CCDC3: variants seen among roughly 807,000 people sequenced by gnomAD.
CCDC3 encodes the protein coiled-coil domain-containing protein 3.
CCDC3 carries 24 observed loss-of-function variants against 21.4 expected under a neutral mutation model. That is an observed-to-expected ratio of 1.12 (90% CI 0.81 to 1.58). CCDC3 has a LOEUF of 1.58. Ranked by LOEUF, CCDC3 falls within the 40% of genes most tolerant of loss-of-function variation. The probability of loss-of-function intolerance (pLI) is 0.00; values close to 1 mark genes in which losing one functional copy is unlikely to be tolerated. For synonymous variants in CCDC3, 186 were observed against 166.0 expected (o/e 1.12, Z -0.93); for missense variants, 425 against 360.9 (o/e 1.18, Z -1.44).
chr10:13,089,689 T>G (rs1191385550), intron 3 of CCDC3, among the ~76,000 whole-genome samples: 2 of 152,092 alleles, frequency 1.3e-5, no homozygotes, highest in African/African-American at 4.8e-5. Context: ...TTTTAATTTT[T>G]TTATTTCCAA....
chr10:12,902,981 G>A (rs1834116136), intron 2 of CCDC3, among the ~76,000 whole-genome samples: 1 of 152,214 alleles, frequency 6.6e-6, no homozygotes, highest in African/African-American at 2.4e-5. Context: ...TGTGAAAAGC[G>A]TGGATGGGAT....
At chr10:12,963,960 C>G (rs555017795) in intron 2 of CCDC3, among the ~76,000 whole-genome samples, 2 of 152,256 alleles carry the variant, frequency 1.3e-5, no homozygotes, top group Admixed American at 1.3e-4. Context: ...GGAGGCGAGT[C>G]GTTATTGGTC....
Position 13,074,153 on chromosome 10 carries a change from A to ATATATTTTTTTT in CCDC3, c.-502-54_-502-53insAAAAAAAATATA, listed in dbSNP as rs1365749317. 2.2e-4 allele frequency: 14 copies of ATATATTTTTTTT among 64,290 alleles called. No individual in the cohort carries two copies. In the East Asian group the frequency reaches 5.2e-3, roughly 24 times the overall value. 4.0% of individuals were successfully genotyped at this position (64,290 alleles called of 1,614,324 possible). ...AATATATATATATATATATATATAT[A>ATATATTTTTTTT]TTTTTTTTTTTTTTTTTTTTTGAGA... On this transcript the variant is annotated intron_variant, in intron 3 of 6. Transcript: ENST00000378839.
intron 2 of CCDC3, among the ~76,000 whole-genome samples, chr10:12,948,109 G>T (rs1834945644): frequency 6.6e-6 from 1 of 152,074 alleles, no homozygotes; most frequent in Non-Finnish European, 1.5e-5. Flanking sequence ...CATGGGGTCA[G>T]GTTTTTTCCA....
intron 2 of CCDC3, among the ~76,000 whole-genome samples, chr10:12,913,207 T>G (rs1044692981): frequency 4.6e-5 from 7 of 152,240 alleles, no homozygotes; most frequent in African/African-American, 1.7e-4. Context: ...AATATTCTTC[T>G]AATCTATGAG....
At chr10:12,917,634 T>C (rs1834380744) in intron 2 of CCDC3, among the ~76,000 whole-genome samples, 1 of 152,238 alleles carries the variant, frequency 6.6e-6, no homozygotes, top group Admixed American at 6.5e-5. Context: ...TGAAGAGTCC[T>C]CTTTTGTCAT....
chr10:13,037,835 G>A (rs1836397342), intron 5 of CCDC3, among the ~76,000 whole-genome samples: 1 of 152,146 alleles, frequency 6.6e-6, no homozygotes, highest in African/African-American at 2.4e-5. Flanking sequence ...AGCATCCTTT[G>A]ATCTTGTAGG....
intron 3 of CCDC3, among the ~76,000 whole-genome samples, chr10:13,080,771 G>C (rs1837029392): frequency 6.6e-6 from 1 of 152,252 alleles, no homozygotes; most frequent in African/African-American, 2.4e-5. Flanking sequence ...CCTAGCCACG[G>C]ACAGACACTT....
chr10:13,035,627 G>A (rs1836368196), intron 5 of CCDC3, among the ~76,000 whole-genome samples: 1 of 152,146 alleles, frequency 6.6e-6, no homozygotes, highest in African/African-American at 2.4e-5. Flanking sequence ...TCATGTTAAG[G>A]GAAGAACTAT....
At chr10:12,970,680 G>A (rs1381819537) in intron 2 of CCDC3, among the ~76,000 whole-genome samples, 2 of 152,170 alleles carry the variant, frequency 1.3e-5, no homozygotes, top group Admixed American at 1.3e-4. Flanking sequence ...GAGGCCAAGA[G>A]TTCGAGACTA....
At chr10:12,901,555 A>C (rs1396506703) in intron 2 of CCDC3, among the ~76,000 whole-genome samples, 1 of 152,048 alleles carries the variant, frequency 6.6e-6, no homozygotes, top group East Asian at 1.9e-4. Flanking sequence ...GTACAGGCGT[A>C]AGTCACTGCA....
chr10:12,905,780 C>T (rs2131198141), intron 2 of CCDC3, among the ~76,000 whole-genome samples: 1 of 152,328 alleles, frequency 6.6e-6, no homozygotes, highest in African/African-American at 2.4e-5. Flanking sequence ...CTAGAGCAAG[C>T]CCCTGTGCCC....
chr10:12,959,131 CCA>C (rs1266665077), intron 2 of CCDC3, among the ~76,000 whole-genome samples: 2 of 151,978 alleles, frequency 1.3e-5, no homozygotes. Flanking sequence ...GCAATGGCCC[CCA>C]CTCCCAACTC....
Position 12,957,665 on chromosome 10 carries a change from C to T in CCDC3, c.549+40673G>A, listed in dbSNP as rs150719905. Among the ~76,000 whole-genome samples the T allele has an allele frequency of 1.7e-3, 261 of 152,188 alleles. 9 individuals are homozygous for T. In the East Asian group the frequency reaches 0.046, roughly 27 times the overall value. ...CTCTCGAGATCTGATTGTTTCTAAG[C>T]GTGCGGCACCTCCCTCCTACCTCCC... On this transcript the variant is annotated intron_variant, in intron 2 of 2. Coordinates refer to ENST00000378825, the MANE Select transcript of CCDC3 (RefSeq NM_031455.4).
At chr10:13,086,979 T>C (rs1460006867) in intron 3 of CCDC3, among the ~76,000 whole-genome samples, 1 of 152,220 alleles carries the variant, frequency 6.6e-6, no homozygotes, top group Non-Finnish European at 1.5e-5. Flanking sequence ...ACACACCTGT[T>C]GCAGCCTCAG....
intron 2 of CCDC3, among the ~76,000 whole-genome samples, chr10:12,927,446 T>A (rs1834561830): frequency 6.6e-6 from 1 of 152,216 alleles, no homozygotes; most frequent in African/African-American, 2.4e-5. Flanking sequence ...TATATTTAGT[T>A]TGTTTACATC....
chr10:12,951,998 G>T (rs974564264), intron 2 of CCDC3, among the ~76,000 whole-genome samples: 36 of 151,946 alleles, frequency 2.4e-4, no homozygotes, highest in African/African-American at 8.7e-4. Flanking sequence ...CAACCTTCTG[G>T]TATCTTCACC....
intron 2 of CCDC3, among the ~76,000 whole-genome samples, chr10:12,987,187 A>G (rs567212214): frequency 1.3e-5 from 2 of 152,020 alleles, no homozygotes; most frequent in African/African-American, 4.8e-5. Context: ...AAATCCTCCC[A>G]TTTCCTGTGG....
intron 5 of CCDC3, among the ~76,000 whole-genome samples, chr10:13,008,346 G>A (rs910958421): frequency 6.6e-6 from 1 of 152,192 alleles, no homozygotes; most frequent in Non-Finnish European, 1.5e-5. Flanking sequence ...CAGAAGGGCA[G>A]CCCAAGCCAG....
Sources: allele counts gnomAD v4.1 joint callset (sites outside exome capture counted in the v4.1 genomes callset), GRCh38; gene constraint gnomAD v4.1.1; transcripts MANE v1.5; gene names NCBI Gene and HGNC (gene_info 2026-07-23, HGNC 2026-07-21).